Variants in SLC39A11 observed in about 807,000 individuals in gnomAD.
SLC39A11 encodes solute carrier family 39 member 11, also known as zinc transporter ZIP11.
SLC39A11 carries 33 observed loss-of-function variants against 36.1 expected under a neutral mutation model. The observed-to-expected ratio is 0.91, with a 90% confidence interval of 0.69 to 1.22. SLC39A11 has a LOEUF of 1.22. Among genes scored for constraint, SLC39A11 ranks in the 50% most tolerant of loss-of-function variants. The probability of loss-of-function intolerance (pLI) is 0.00; values close to 1 mark genes in which losing one functional copy is unlikely to be tolerated. For synonymous variants in SLC39A11, 166 were observed against 170.3 expected, an observed-to-expected ratio of 0.97 and a Z score of 0.20; for missense variants, 432 against 430.3, an observed-to-expected ratio of 1.00 and a Z score of -0.03.
At chr17:72,828,490 A>T (rs1293296538) in intron 6 of SLC39A11, among the ~76,000 whole-genome samples, 1 of 152,176 alleles carries the variant, frequency 6.6e-6, no homozygotes, top group Admixed American at 6.5e-5. Context: ...AGGCACAGAG[A>T]GGGGTATTTG....
At chr17:73,041,750 T>C (rs2059118703) in intron 3 of SLC39A11, among the ~76,000 whole-genome samples, 1 of 152,240 alleles carries the variant, frequency 6.6e-6, no homozygotes, top group African/African-American at 2.4e-5. Flanking sequence ...TGTGCATTTG[T>C]GGAAGGCTTG....
At chr17:72,732,366 ATATTCAGTG>A (rs1363812800) in intron 7 of SLC39A11, among the ~76,000 whole-genome samples, 1 of 152,136 alleles carries the variant, frequency 6.6e-6, no homozygotes, top group Non-Finnish European at 1.5e-5. Flanking sequence ...TAACTACACT[ATATTCAGTG>A]TATTCAGATT....
At chr17:72,700,032 G>GT (rs1555641463) in intron 7 of SLC39A11, among the ~76,000 whole-genome samples, 1 of 152,096 alleles carries the variant, frequency 6.6e-6, no homozygotes. Flanking sequence ...TAGATCAGGG[G>GT]TTTCTGCAAG....
At chr17:72,755,733 T>G (rs2075348073) in intron 6 of SLC39A11, among the ~76,000 whole-genome samples, 1 of 152,220 alleles carries the variant, frequency 6.6e-6, no homozygotes, top group Admixed American at 6.5e-5. Flanking sequence ...AATCCCGCCC[T>G]GTGGGACTGG....
chr17:72,661,929 T>C (rs1424672629), intron 7 of SLC39A11, among the ~76,000 whole-genome samples: 1 of 152,146 alleles, frequency 6.6e-6, no homozygotes, highest in East Asian at 1.9e-4. Context: ...TGCAGAAGTG[T>C]AGACAAACCG....
intron 6 of SLC39A11, among the ~76,000 whole-genome samples, chr17:72,821,062 A>C (rs1011813614): frequency 6.6e-6 from 1 of 151,050 alleles, no homozygotes; most frequent in Non-Finnish European, 1.5e-5. Flanking sequence ...CCTCCAGATT[A>C]ATATGTAGAT....
chr17:72,679,669 C>A (rs1273131440), intron 7 of SLC39A11, among the ~76,000 whole-genome samples: 1 of 152,124 alleles, frequency 6.6e-6, no homozygotes, highest in African/African-American at 2.4e-5. Flanking sequence ...AGGTATTGAT[C>A]TTGATTGGGC....
intron 5 of SLC39A11, among the ~76,000 whole-genome samples, chr17:72,896,618 C>T (rs529930237): frequency 5.3e-5 from 8 of 152,108 alleles, no homozygotes; most frequent in Admixed American, 1.3e-4. Context: ...GAGGGGGATG[C>T]ACATCTATTT....
intron 7 of SLC39A11, among the ~76,000 whole-genome samples, chr17:72,691,213 C>T (rs2072011945): frequency 6.6e-6 from 1 of 152,102 alleles, no homozygotes; most frequent in Non-Finnish European, 1.5e-5. Context: ...CACAGATGAC[C>T]ATGTGCAGGG....
At chr17:72,846,611 G>C (rs1261853358) in intron 6 of SLC39A11, among the ~76,000 whole-genome samples, 26 of 152,174 alleles carry the variant, frequency 1.7e-4, no homozygotes, top group Admixed American at 1.7e-3. Context: ...AATAATTCCA[G>C]CTGAGCATAA....
chr17:72,953,813 A>G (rs1254613839), intron 4 of SLC39A11, among the ~76,000 whole-genome samples: 1 of 152,232 alleles, frequency 6.6e-6, no homozygotes, highest in Admixed American at 6.5e-5. Flanking sequence ...CACTGGGGTG[A>G]GTCATTGCTA....
intron 6 of SLC39A11, among the ~76,000 whole-genome samples, chr17:72,848,247 G>C (rs962042948): frequency 2.0e-5 from 3 of 152,330 alleles, no homozygotes; most frequent in African/African-American, 7.2e-5. Flanking sequence ...TAGGAAGTGA[G>C]AGAGTTGGAA....
At chr17:72,939,960 A>G (rs566177262) in intron 5 of SLC39A11, among the ~76,000 whole-genome samples, 1 of 152,334 alleles carries the variant, frequency 6.6e-6, no homozygotes, top group Admixed American at 6.5e-5. Flanking sequence ...AAATGTTCCA[A>G]GGAGCATTTC....
intron 4 of SLC39A11, among the ~76,000 whole-genome samples, chr17:73,024,270 C>T (rs1472449437): frequency 1.3e-5 from 2 of 152,216 alleles, no homozygotes; most frequent in African/African-American, 4.8e-5. Flanking sequence ...AATAGCTCAA[C>T]CCCAGGATGC....
chr17:72,844,782 G>A (rs955584344), intron 6 of SLC39A11, among the ~76,000 whole-genome samples: 36 of 152,298 alleles, frequency 2.4e-4, no homozygotes, highest in South Asian at 1.0e-3. Context: ...TGTCTAGTCA[G>A]TATCTCCATT....
intron 6 of SLC39A11, among the ~76,000 whole-genome samples, chr17:72,845,639 C>G (rs186863639): frequency 8.5e-5 from 13 of 152,328 alleles, no homozygotes; most frequent in Admixed American, 1.3e-4. Context: ...TGTTCATCGA[C>G]TATCTCACCT....
At chr17:73,003,528 G>A (rs1486533174) in intron 4 of SLC39A11, among the ~76,000 whole-genome samples, 1 of 152,066 alleles carries the variant, frequency 6.6e-6, no homozygotes, top group Admixed American at 6.5e-5. Context: ...TGAGACTGGT[G>A]CCTGTTTCAG....
intron 5 of SLC39A11, among the ~76,000 whole-genome samples, chr17:72,901,768 C>T (rs1342399471): frequency 6.6e-6 from 1 of 152,226 alleles, no homozygotes; most frequent in African/African-American, 2.4e-5. Context: ...CTCTTCAACA[C>T]TGCTAAGACT....
At chr17:72,907,812 A>C (rs967296142) in intron 5 of SLC39A11, among the ~76,000 whole-genome samples, 6 of 152,206 alleles carry the variant, frequency 3.9e-5, no homozygotes, top group Non-Finnish European at 8.8e-5. Context: ...CTCTGCAGGG[A>C]AACAGTCTGC....
Sources: allele counts gnomAD v4.1 joint callset (sites outside exome capture counted in the v4.1 genomes callset), GRCh38; gene constraint gnomAD v4.1.1; transcripts MANE v1.5; gene names NCBI Gene and HGNC (gene_info 2026-07-23, HGNC 2026-07-21).